Variants in THSD7A observed in about 807,000 individuals in gnomAD.
THSD7A encodes thrombospondin type 1 domain containing 7A.
A neutral mutation model predicts 231.3 loss-of-function variants in THSD7A; 96 were observed. The observed-to-expected ratio is 0.41, with a 90% CI of 0.35 to 0.49. The LOEUF (loss-of-function observed/expected upper bound fraction) is 0.49. Among genes scored for constraint, THSD7A ranks in the 20% least tolerant of loss-of-function variants. The pLI is 0.05. For synonymous variants in THSD7A, 940 were observed against 743.3 expected, an observed-to-expected ratio of 1.26 and a Z score of -4.30; for missense variants, 2,290 against 2,070.2, an observed-to-expected ratio of 1.11 and a Z score of -2.06.
chr7:11,491,818 C>A (rs377257144), intron 6 of THSD7A, among the ~76,000 whole-genome samples: 1 of 150,736 alleles, frequency 6.6e-6, no homozygotes, highest in South Asian at 2.1e-4. Context: ...CTCCATCACA[C>A]TAAGGAAGCT....
chr7:11,441,073 G>GA (rs899456869), intron 13 of THSD7A, among the ~76,000 whole-genome samples: 1 of 151,796 alleles, frequency 6.6e-6, no homozygotes, highest in African/African-American at 2.4e-5. Context: ...TCTTTATCTG[G>GA]AAAAAAATCA....
In THSD7A at chr7:11,478,782, C is replaced by G. The variant is rs62438198; in HGVS notation, c.2017+3006G>C. Among the ~76,000 whole-genome samples the G allele has an allele frequency of 1.6e-3, 244 of 152,178 alleles. 1 individual carries two copies. Among genetic ancestry groups the G allele is most frequent in the Non-Finnish European group, 3.1e-3 (208 of 68,002 alleles). Reference sequence around the variant, plus strand: ...GATTGGGGCCATCGATAGATAGATACATACATACATATATACACACTGATA... The same window carrying G: ...GATTGGGGCCATCGATAGATAGATAGATACATACATATATACACACTGATA... On this transcript the variant is annotated intron_variant, in intron 7 of 27. Coordinates refer to ENST00000423059, the MANE Select transcript of THSD7A (RefSeq NM_015204.3).
intron 23 of THSD7A, among the ~76,000 whole-genome samples, chr7:11,394,389 G>A (rs1414739656): frequency 1.3e-5 from 2 of 151,214 alleles, no homozygotes; most frequent in African/African-American, 4.8e-5. Flanking sequence ...ACTGGTACCA[G>A]CCACTGCAAA....
At chr7:11,412,049 G>A (rs992687776) in intron 18 of THSD7A, among the ~76,000 whole-genome samples, 9 of 152,072 alleles carry the variant, frequency 5.9e-5, no homozygotes, top group Admixed American at 2.0e-4. Flanking sequence ...GTAAGCTTTC[G>A]TGTTGCCCCA....
In THSD7A at chr7:11,447,249, G is replaced by T; in HGVS notation, c.2781C>A (p.Thr927=). 6.2e-7 allele frequency: 1 copy of T among 1,613,002 alleles called. No individual in the cohort carries two copies. The highest frequency in any genetic ancestry group is 8.5e-7 in the Non-Finnish European group (1 of 1,179,404). ...SCNGDCGAVR[T]RKRTLVGKSK... is the part of the protein sequence containing the mutation. ...TCTTACCAACAAGAGTGCGCTTTCTGGTCCTAACTGCACCACAGTCTCCAT... is the reference window on the plus strand; with the variant it reads ...TCTTACCAACAAGAGTGCGCTTTCTTGTCCTAACTGCACCACAGTCTCCAT... The change falls in exon 12 of 28, where the codon ACC becomes ACA. Residue 927 remains threonine (T), a synonymous_variant. Transcript: ENST00000423059.
Position 11,446,554 on chromosome 7 carries a change from T to G in THSD7A, c.2801-230A>C, listed in dbSNP as rs930914793. ...TTGTATTATTTTTTCAGAACACTAT[T>G]TTTCACATACTTTTTAATTATACTA... is the stretch of plus-strand genomic sequence containing the variant. On this transcript the variant is annotated intron_variant, in intron 12 of 27. Coordinates refer to ENST00000423059, the MANE Select transcript of THSD7A (RefSeq NM_015204.3). This position sits in a 1 kb window ranked among gnomAD's most constrained non-coding sequence, Gnocchi z 4.0. Among the ~76,000 whole-genome samples the G allele has an allele frequency of 5.3e-5, 8 of 152,140 alleles. No homozygotes were observed. Among genetic ancestry groups the G allele is most frequent in the African/African-American group, 1.7e-4 (7 of 41,448 alleles).
chr7:11,438,462 A>G lies in THSD7A; in HGVS notation c.3064+7599T>C, dbSNP rs150175838. 2.0e-5 allele frequency among the ~76,000 whole-genome samples: 3 copies of G among 152,108 alleles called. No individual in the cohort carries two copies. The East Asian group carries it at 5.8e-4, about 29-fold the overall frequency. ...GCAAAGCACACTTTGAATCCTACAG[A>G]TGCTTGCAAAAAAGCAATTGCTTAA... On this transcript the variant is annotated intron_variant, in intron 13 of 27. Transcript: ENST00000423059.
chr7:11,656,158 G>A (rs1416170125), intron 1 of THSD7A, among the ~76,000 whole-genome samples: 1 of 151,798 alleles, frequency 6.6e-6, no homozygotes, highest in East Asian at 1.9e-4. Flanking sequence ...GAAGATAAAT[G>A]CCCATTATAT....
chr7:11,380,110 A>C (rs17623777), intron 24 of THSD7A, among the ~76,000 whole-genome samples: 64,058 of 152,044 alleles, frequency 0.42, 14,387 homozygotes, highest in African/African-American at 0.57. Context: ...GTTTTCACGT[A>C]CTTTGAAATA....
intron 1 of THSD7A, chr7:11,820,682 C>T: frequency 2.3e-6 from 2 of 851,806 alleles, no homozygotes; most frequent in South Asian, 2.7e-5. Flanking sequence ...GACTTTAGTC[C>T]CCAGTCTCGA....
chr7:11,701,043 A>C (rs565405145), intron 1 of THSD7A, among the ~76,000 whole-genome samples: 7 of 151,386 alleles, frequency 4.6e-5, no homozygotes, highest in African/African-American at 1.4e-4. Flanking sequence ...TGTAATTCCG[A>C]CTACTTTTAA....
intron 1 of THSD7A, among the ~76,000 whole-genome samples, chr7:11,787,061 T>A (rs1315731347): frequency 6.6e-6 from 1 of 152,032 alleles, no homozygotes; most frequent in Non-Finnish European, 1.5e-5. Flanking sequence ...CATAAAAAAA[T>A]AAAAAGGTAA....
chr7:11,498,455 C>T (rs943970470), intron 6 of THSD7A, among the ~76,000 whole-genome samples: 1 of 151,968 alleles, frequency 6.6e-6, no homozygotes, highest in Non-Finnish European at 1.5e-5. Context: ...CCTGCTTGAG[C>T]TCTCCAGTTG....
chr7:11,556,993 T>C (rs1470416168), intron 4 of THSD7A, among the ~76,000 whole-genome samples: 1 of 152,110 alleles, frequency 6.6e-6, no homozygotes, highest in Non-Finnish European at 1.5e-5. Context: ...TGTAGGTTTA[T>C]GCTTCTTACA....
In THSD7A at chr7:11,451,908, C is replaced by T. The variant is rs570052862; in HGVS notation, c.2606-4484G>A. On this transcript the variant is annotated intron_variant, in intron 11 of 27. Transcript: ENST00000423059. ...TATTGCTCAGTGAATTACCCTTCAGCGTGTAAGGCCATGCACTCATTTTGT... is the reference window on the plus strand; with the variant it reads ...TATTGCTCAGTGAATTACCCTTCAGTGTGTAAGGCCATGCACTCATTTTGT... 1.3e-3 allele frequency among the ~76,000 whole-genome samples: 193 copies of T among 152,056 alleles called. 1 individual carries two copies. The highest frequency in any genetic ancestry group is 2.3e-3 in the Non-Finnish European group (155 of 67,958).
chr7:11,802,505 G>T (rs1282685938), intron 1 of THSD7A, among the ~76,000 whole-genome samples: 4 of 152,022 alleles, frequency 2.6e-5, no homozygotes, highest in Non-Finnish European at 5.9e-5. Context: ...TGGATCCTGG[G>T]GAATCAGCTC....
chr7:11,730,991 G>A (rs1781709501), intron 1 of THSD7A, among the ~76,000 whole-genome samples: 1 of 151,554 alleles, frequency 6.6e-6, no homozygotes, highest in Admixed American at 6.6e-5. Flanking sequence ...TTATTTTGCA[G>A]TTTGCTCTAT....
At chr7:11,596,067 C>T (rs1780348287) in intron 2 of THSD7A, among the ~76,000 whole-genome samples, 1 of 152,164 alleles carries the variant, frequency 6.6e-6, no homozygotes, top group Admixed American at 6.5e-5. Flanking sequence ...GAATCATGGC[C>T]CCTCAATCAA....
chr7:11,563,333 T>C (rs1382548025), intron 4 of THSD7A, among the ~76,000 whole-genome samples: 1 of 152,182 alleles, frequency 6.6e-6, no homozygotes, highest in African/African-American at 2.4e-5. Flanking sequence ...CAGTCCTTTT[T>C]AGCTACGATA....
Sources: gnomAD v4.1 joint callset for allele counts (sites outside exome capture counted in the v4.1 genomes callset) on GRCh38, gnomAD v4.1.1 for gene constraint, Gnocchi (gnomAD v3.1) non-coding constraint, MANE v1.5 for transcripts, NCBI Gene and HGNC (gene_info 2026-07-23, HGNC 2026-07-21) for gene names.